The following BNC2 variants were observed in gnomAD, a reference collection of about 807,000 sequenced individuals.
The protein encoded by BNC2 is basonuclin zinc finger protein 2, also known as zinc finger protein basonuclin-2.
Under a neutral mutation model 76.3 loss-of-function variants are expected in BNC2, and 20 were observed. The observed-to-expected ratio is 0.26, with a 90% CI of 0.18 to 0.38. The LOEUF is 0.38. Ranked by LOEUF, BNC2 falls within the 10% of genes least tolerant of loss-of-function variation. BNC2 has a pLI of 1.00. For synonymous variants in BNC2, 582 were observed against 514.8 expected (o/e 1.13, Z -1.77); for missense variants, 1,382 against 1,399.8 (o/e 0.99, Z 0.20).
chr9:16,756,847 C>T (rs909782250), intron 1 of BNC2, among the ~76,000 whole-genome samples: 50 of 151,902 alleles, frequency 3.3e-4, no homozygotes, highest in African/African-American at 5.6e-4. Flanking sequence ...AAAAATTAAC[C>T]GGGCATGGTG....
intron 5 of BNC2, among the ~76,000 whole-genome samples, chr9:16,471,292 A>AT (rs34169220): frequency 0.15 from 19,853 of 133,720 alleles, 1,587 homozygotes; most frequent in East Asian, 0.25. Context: ...CTTGCTTTTG[A>AT]TTTTTTTTTT....
chr9:16,608,168 G>A (rs556363823), intron 3 of BNC2, among the ~76,000 whole-genome samples: 1 of 152,226 alleles, frequency 6.6e-6, no homozygotes, highest in African/African-American at 2.4e-5. Context: ...AGATTCCTTA[G>A]GGGTACTTCC....
chr9:16,481,567 C>T (rs1372200225), intron 5 of BNC2, among the ~76,000 whole-genome samples: 9 of 152,306 alleles, frequency 5.9e-5, no homozygotes, highest in East Asian at 5.8e-4. Context: ...CGAGGGTCCG[C>T]GACTTCATTC....
chr9:16,760,327 T>C (rs1825517256), intron 1 of BNC2, among the ~76,000 whole-genome samples: 2 of 152,342 alleles, frequency 1.3e-5, no homozygotes, highest in East Asian at 3.9e-4. Flanking sequence ...TTTAATAATT[T>C]GTGCATCCAC....
At chr9:16,793,870 T>TG (rs1817580100) in intron 1 of BNC2, among the ~76,000 whole-genome samples, 3 of 141,456 alleles carry the variant, frequency 2.1e-5, no homozygotes, top group Middle Eastern at 3.7e-3. Flanking sequence ...GTTTTTTTGT[T>TG]TTTTTTTTTT....
intron 3 of BNC2, among the ~76,000 whole-genome samples, chr9:16,615,460 C>T (rs1820672189): frequency 1.3e-5 from 2 of 152,066 alleles, no homozygotes; most frequent in South Asian, 2.1e-4. Context: ...GTGAGAGGTG[C>T]CCTTCCCAAA....
intron 4 of BNC2, among the ~76,000 whole-genome samples, chr9:16,555,631 C>CA (rs1030215717): frequency 6.6e-6 from 1 of 151,760 alleles, no homozygotes; most frequent in Non-Finnish European, 1.5e-5. Flanking sequence ...CCCACCTCTA[C>CA]AAAAAATGGA....
chr9:16,616,054 G>T (rs930985809), intron 3 of BNC2, among the ~76,000 whole-genome samples: 8 of 152,100 alleles, frequency 5.3e-5, no homozygotes, highest in African/African-American at 1.9e-4. Context: ...GAGAAATCAA[G>T]CAACTGTGTC....
chr9:16,694,775 T>C (rs898495810), intron 3 of BNC2, among the ~76,000 whole-genome samples: 1 of 152,182 alleles, frequency 6.6e-6, no homozygotes, highest in African/African-American at 2.4e-5. Flanking sequence ...AGTCATACTG[T>C]ATACTACACA....
At chr9:16,830,067 A>C (rs577317838) in intron 1 of BNC2, among the ~76,000 whole-genome samples, 67 of 152,342 alleles carry the variant, frequency 4.4e-4, no homozygotes, top group African/African-American at 1.6e-3. Flanking sequence ...AAAGCCTAGA[A>C]GGTCTGTAAA....
intron 3 of BNC2, among the ~76,000 whole-genome samples, chr9:16,690,750 C>T (rs1010160716): frequency 6.6e-6 from 1 of 152,088 alleles, no homozygotes; most frequent in Non-Finnish European, 1.5e-5. Context: ...GAGCAATGAA[C>T]TATAGGATCA....
At chr9:16,831,593 G>A (rs1395108955) in intron 1 of BNC2, among the ~76,000 whole-genome samples, 1 of 152,130 alleles carries the variant, frequency 6.6e-6, no homozygotes, top group African/African-American at 2.4e-5. Context: ...TGCAATGTTG[G>A]TTATTAACAG....
rs535811520 is a variant in BNC2 at position 16,624,817 on chromosome 9, G to A, written c.331-41732C>T. On this transcript the variant is annotated intron_variant, in intron 3 of 6. Coordinates refer to ENST00000380672, the MANE Select transcript of BNC2 (RefSeq NM_017637.6). ...TTAATCCAACAAGTATTTATTTAAA[G>A]AATGATCTTTATGTGGCTGAAATGA... 7.9e-5 allele frequency among the ~76,000 whole-genome samples: 12 copies of A among 152,288 alleles called. No individual in the cohort carries two copies. In the East Asian group the frequency reaches 1.9e-3, roughly 24 times the overall value.
At chr9:16,869,825 C>T (rs973491777) in intron 1 of BNC2, among the ~76,000 whole-genome samples, 4 of 152,198 alleles carry the variant, frequency 2.6e-5, no homozygotes, top group African/African-American at 9.6e-5. Context: ...ACCACTTGCA[C>T]TTGGAACTTT....
intron 3 of BNC2, among the ~76,000 whole-genome samples, chr9:16,664,135 A>G (rs2134092875): frequency 6.6e-6 from 1 of 152,290 alleles, no homozygotes; most frequent in South Asian, 2.1e-4. Flanking sequence ...TACCACGACA[A>G]AAAAATGACA....
intron 5 of BNC2, among the ~76,000 whole-genome samples, chr9:16,511,286 T>A (rs1016976270): frequency 2.0e-5 from 3 of 151,794 alleles, no homozygotes; most frequent in Non-Finnish European, 4.4e-5. Context: ...GTTTTTAAAT[T>A]TTTTTGTAAA....
chr9:16,779,061 T>C (rs1447596873), intron 1 of BNC2, among the ~76,000 whole-genome samples: 1 of 146,282 alleles, frequency 6.8e-6, no homozygotes, highest in Non-Finnish European at 1.5e-5. Flanking sequence ...GGTTGATTGC[T>C]TGCGGTCAGG....
At chr9:16,858,203 T>C (rs1363865784) in intron 1 of BNC2, among the ~76,000 whole-genome samples, 1 of 152,254 alleles carries the variant, frequency 6.6e-6, no homozygotes, top group African/African-American at 2.4e-5. Context: ...TTGAGGTATT[T>C]ATAAAACCAA....
At chr9:16,868,794 T>TTGTG (rs10529508) in intron 1 of BNC2, among the ~76,000 whole-genome samples, 1 of 151,432 alleles carries the variant, frequency 6.6e-6, no homozygotes, top group Non-Finnish European at 1.5e-5. Context: ...TCACAAGGGA[T>TTGTG]TGTGTGTGTG....
Sources: gnomAD v4.1 joint callset for allele counts (sites outside exome capture counted in the v4.1 genomes callset) on GRCh38, gnomAD v4.1.1 for gene constraint, MANE v1.5 for transcripts, NCBI Gene and HGNC (gene_info 2026-07-23, HGNC 2026-07-21) for gene names.